KDM3A: variants seen among roughly 807,000 people sequenced by gnomAD.
The protein encoded by KDM3A is lysine demethylase 3A.
In KDM3A, 60 loss-of-function variants were observed where a neutral mutation model predicts 158.0. The ratio of observed to expected loss-of-function variants is 0.38; its 90% CI spans 0.31 to 0.47. The LOEUF (loss-of-function observed/expected upper bound fraction) is 0.47, where lower values mean the gene tolerates loss of function less well. Ranked by LOEUF, KDM3A falls within the 20% of genes least tolerant of loss-of-function variation. The probability of loss-of-function intolerance (pLI) is 0.99; values close to 1 mark genes in which losing one functional copy is unlikely to be tolerated. For synonymous variants in KDM3A, 608 were observed against 549.3 expected (o/e 1.11, Z -1.49); for missense variants, 1,319 against 1,574.3 (o/e 0.84, Z 2.74).
intron 4 of KDM3A, 34 bp from the exon 5 acceptor site, chr2:86,455,051 T>C (rs1350900972): frequency 1.6e-6 from 2 of 1,236,066 alleles, no homozygotes; most frequent in South Asian, 1.3e-5. Flanking sequence ...TATTAACTGT[T>C]ACCCTTAACA....
chr2:86,475,903 T>A (rs936233235), intron 12 of KDM3A, among the ~76,000 whole-genome samples: 3 of 152,168 alleles, frequency 2.0e-5, no homozygotes, highest in African/African-American at 7.2e-5. Flanking sequence ...AATAACTTAT[T>A]GAATATATGT....
intron 2 of KDM3A, chr2:86,442,502 G>A (rs913410203): frequency 5.6e-6 from 2 of 359,778 alleles, no homozygotes; most frequent in African/African-American, 2.1e-5. Context: ...GTCCCACCAG[G>A]ACTGTCTCAT....
At chr2:86,455,062 T>C in intron 4 of KDM3A, 23 bp from the exon 5 acceptor site, 1 of 1,341,526 alleles carries the variant, frequency 7.5e-7, no homozygotes, top group Non-Finnish European at 1.0e-6. Context: ...ACCCTTAACA[T>C]GTAATGATCT....
intron 8 of KDM3A, among the ~76,000 whole-genome samples, chr2:86,463,796 G>A (rs1199642479): frequency 6.6e-6 from 1 of 152,198 alleles, no homozygotes; most frequent in East Asian, 1.9e-4. Flanking sequence ...TGGCACAGTG[G>A]TTCAGAGGTC....
At chr2:86,471,713 G>T (rs756453803) in intron 11 of KDM3A, among the ~76,000 whole-genome samples, 1 of 152,122 alleles carries the variant, frequency 6.6e-6, no homozygotes, top group Non-Finnish European at 1.5e-5. Flanking sequence ...CTTATTTAAC[G>T]AAGTAAGAGT....
intron 8 of KDM3A, among the ~76,000 whole-genome samples, chr2:86,462,036 A>G (rs2104655190): frequency 6.6e-6 from 1 of 152,290 alleles, no homozygotes; most frequent in South Asian, 2.1e-4. Context: ...TAGGATGCAG[A>G]GGATTCAACA....
intron 21 of KDM3A, chr2:86,488,073 T>C (rs746720885): frequency 1.4e-5 from 2 of 142,058 alleles, no homozygotes; most frequent in Admixed American, 7.0e-5. Flanking sequence ...TTTTAACATA[T>C]ATATTTGTAT....
intron 18 of KDM3A, 39 bp downstream of exon 18, chr2:86,482,733 C>G: frequency 6.3e-7 from 1 of 1,598,600 alleles, no homozygotes; most frequent in Non-Finnish European, 8.5e-7. Context: ...TATTCAGAAC[C>G]CCCTTCTCAG....
At position 86,483,866 on chromosome 2, in the gene KDM3A, A is replaced by G. The variant is rs1272035016; in HGVS notation, c.2923-121A>G. 8 of 786,844 alleles carry G rather than the reference A, an allele frequency of 1.0e-5. No homozygotes were observed. In the East Asian group the frequency reaches 2.2e-4, roughly 21 times the overall value. 48.7% of individuals were successfully genotyped at this position (786,844 alleles called of 1,614,324 possible). ...ACTAAGCCGAAACTGTCACATCACC[A>G]TCTGAGACGGAGCACCAGCTCCATG... On this transcript the variant is annotated intron_variant, in intron 18 of 25. Transcript: ENST00000312912.
In KDM3A at chr2:86,485,816, C is replaced by T. The variant is rs1307207932; in HGVS notation, c.3270C>T (p.Tyr1090=). The change falls in exon 21 of 26, where the codon TAC becomes TAT. Residue 1090 remains tyrosine (Y), a synonymous_variant. Coordinates refer to ENST00000312912, the MANE Select transcript of KDM3A (RefSeq NM_018433.6). ...KLNLASRLPN[Y]FVRPDLGPKM... Reference sequence around the variant, plus strand: ...ATTTGGCCTCTAGGCTGCCAAACTACTTTGTTCGGCCAGATCTGGGCCCCA... The same window carrying T: ...ATTTGGCCTCTAGGCTGCCAAACTATTTTGTTCGGCCAGATCTGGGCCCCA... 1.2e-6 allele frequency: 2 copies of T among 1,614,076 alleles called. No individual in the cohort carries two copies. Among genetic ancestry groups the T allele is most frequent in the South Asian group, 2.2e-5 (2 of 91,082 alleles).
At position 86,480,242 on chromosome 2, in the gene KDM3A, G is replaced by C. The variant is rs1262066469; in HGVS notation, c.2392G>C (p.Val798Leu). The part of the protein sequence containing the change: ...QNPSVLEPAA[V>L]GGEAASKPAG... The stretch of plus-strand genomic sequence containing the variant: ...TCCCTCAGTGTTGGAGCCAGCAGCT[G>C]TGGGTGGGGAAGCAGCCTCCAAGCC... The change falls in exon 16 of 26, where the codon GTG becomes CTG. Residue 798 changes from valine (V) to leucine (L), a missense_variant. Around this residue, in one of 4 missense-constraint regions of KDM3A, gnomAD observed 368 missense variants for 415.8 expected, o/e 0.89. Transcript: ENST00000312912. The C allele has an allele frequency of 2.5e-6, 4 of 1,613,822 alleles. No homozygotes were observed. In the East Asian group the frequency reaches 8.9e-5, roughly 36 times the overall value.
chr2:86,467,832 G>A (rs1270961786), intron 10 of KDM3A, among the ~76,000 whole-genome samples: 1 of 152,096 alleles, frequency 6.6e-6, no homozygotes, highest in African/African-American at 2.4e-5. Context: ...ACCAGCCTGG[G>A]CAACATAGTG....
chr2:86,455,873 T>G (rs540993827), intron 5 of KDM3A, among the ~76,000 whole-genome samples: 65 of 150,910 alleles, frequency 4.3e-4, no homozygotes, highest in African/African-American at 1.6e-3. Flanking sequence ...GGAGGATCAC[T>G]TGAACCCAGG....
chr2:86,492,419 T>A lies in KDM3A; in HGVS notation c.*300T>A. On this transcript the variant is annotated 3_prime_UTR_variant, in exon 26 of 26. Transcript: ENST00000312912. ...ACAATACCTGCAGTTATTCTTCAGC[T>A]GTTTGGACAACTTAGATTGGGTTTA... The A allele has an allele frequency of 6.8e-6, 2 of 291,998 alleles. No individual in the cohort carries two copies. Among genetic ancestry groups the A allele is most frequent in the Non-Finnish European group, 1.3e-5 (2 of 154,958 alleles). The allele number at this position is 291,998 out of a possible 1,614,324, so 18.1% of individuals were successfully genotyped here. A position where few individuals can be genotyped will look rare whatever the true frequency, so the allele number is the denominator to read the frequency against.
intron 11 of KDM3A, among the ~76,000 whole-genome samples, chr2:86,472,285 T>G (rs1356145997): frequency 1.3e-5 from 2 of 152,168 alleles, no homozygotes; most frequent in Admixed American, 6.5e-5. Context: ...TGCTGCGTAG[T>G]AGAAGCCAGT....
At chr2:86,455,299 T>C (rs767046051) in intron 5 of KDM3A, 112 bp downstream of exon 5, 7 of 668,032 alleles carry the variant, frequency 1.0e-5, no homozygotes, top group Admixed American at 3.3e-5. Context: ...TTTTTCTTTT[T>C]TTTTTTTTTT....
chr2:86,441,060 C>CT (rs929647434), upstream of KDM3A: 67 of 151,822 alleles, frequency 4.4e-4, no homozygotes, highest in Middle Eastern at 3.4e-3. Context: ...TTTCGCGGGA[C>CT]TTTTTTTTTG....
At chr2:86,463,137 A>G (rs1672993624) in intron 8 of KDM3A, among the ~76,000 whole-genome samples, 1 of 152,218 alleles carries the variant, frequency 6.6e-6, no homozygotes, top group Non-Finnish European at 1.5e-5. Context: ...GTTGTAATCA[A>G]ACTTTAGAAG....
chr2:86,479,001 A>G (rs946642420), intron 15 of KDM3A: 23 of 274,662 alleles, frequency 8.4e-5, no homozygotes, highest in Admixed American at 1.5e-4. Context: ...GTTCTAAAGT[A>G]GTCTACCTAA....
Sources: gnomAD v4.1 joint callset for allele counts (sites outside exome capture counted in the v4.1 genomes callset) on GRCh38, gnomAD v4.1.1 for gene constraint, gnomAD v4.1.1 regional missense constraint, MANE v1.5 for transcripts, NCBI Gene and HGNC (gene_info 2026-07-23, HGNC 2026-07-21) for gene names.